The following SPATA21 variants were observed in gnomAD, a reference collection of about 807,000 sequenced individuals.
SPATA21 encodes spermatogenesis associated 21, also known as spermatogenesis-associated protein 21.
In SPATA21, 47 loss-of-function variants were observed where a neutral mutation model predicts 54.8. That is an observed-to-expected ratio of 0.86 (90% confidence interval 0.68 to 1.09). The LOEUF is 1.09. SPATA21 is among the 50% of genes least tolerant of loss of function. SPATA21 has a pLI of 0.00. For missense variants in SPATA21, 599 were observed against 596.4 expected, an observed-to-expected ratio of 1.00 and a Z score of -0.05; for synonymous variants, 245 against 235.3, an observed-to-expected ratio of 1.04 and a Z score of -0.38.
At chr1:16,425,704 C>T in intron 3 of SPATA21, 1 of 1,549,822 alleles carries the variant, frequency 6.5e-7, no homozygotes, top group South Asian at 1.2e-5. Context: ...GGGACCCTTC[C>T]TGGGGGACCC....
intron 1 of SPATA21, among the ~76,000 whole-genome samples, chr1:16,436,501 C>T (rs1382221243): frequency 6.6e-6 from 1 of 152,042 alleles, no homozygotes; most frequent in Admixed American, 6.6e-5. Context: ...CAAGGTGGCT[C>T]ACGCCTGTAA....
rs111631569 is a variant in SPATA21, at chr1:16,421,078, T to C, written c.144+431A>G. Among the ~76,000 whole-genome samples, 7 of 151,896 alleles carry C rather than the reference T, an allele frequency of 4.6e-5. No homozygotes were observed. The highest frequency in any genetic ancestry group is 1.0e-4 in the Non-Finnish European group (7 of 67,960). ...AGTGACTGTGTATTTGCAGGTTGCC[T>C]GGTCAGGTCAAAGAACTAGGAAGTG... On this transcript the variant is annotated intron_variant, in intron 5 of 12. Coordinates refer to ENST00000335496, the MANE Select transcript of SPATA21 (RefSeq NM_198546.1). This position sits in a 1 kb window ranked among gnomAD's most constrained non-coding sequence, Gnocchi z 5.2.
chr1:16,415,117 G>T (rs1266770833), intron 5 of SPATA21, among the ~76,000 whole-genome samples: 1 of 152,070 alleles, frequency 6.6e-6, no homozygotes, highest in Admixed American at 6.6e-5. Context: ...CAGGTGGATC[G>T]CTTGAGCTCA....
At position 16,398,713 on chromosome 1, in the gene SPATA21, C is replaced by T; in HGVS notation, c.*52G>A. 1 of 1,601,330 alleles carries T rather than the reference C, an allele frequency of 6.2e-7. No individual in the cohort carries two copies. The highest frequency in any genetic ancestry group is 8.6e-7 in the Non-Finnish European group (1 of 1,168,714). Reference sequence around the variant, plus strand: ...CCCAGCAGCAGCTCCTGCCTGGTGGCCCATCTGTCTACAGGCCTTGAGCAG... The same window carrying T: ...CCCAGCAGCAGCTCCTGCCTGGTGGTCCATCTGTCTACAGGCCTTGAGCAG... On this transcript the variant is annotated 3_prime_UTR_variant, in exon 13 of 13. Coordinates refer to ENST00000335496, the MANE Select transcript of SPATA21 (RefSeq NM_198546.1).
rs111559424 is a variant in SPATA21, at chr1:16,428,214, G to A, written c.34+3124C>T. On this transcript the variant is annotated intron_variant, in intron 3 of 12. Coordinates refer to ENST00000335496, the MANE Select transcript of SPATA21 (RefSeq NM_198546.1). The surrounding 1 kb of genome is among the most constrained non-coding windows in gnomAD (Gnocchi z 4.3). Reference sequence around the variant, plus strand: ...AGGGCCCGGCCCTGCTGTTGCTGTTGCTTAGCACGTAAGGCTCTGGTATGA... The same window carrying A: ...AGGGCCCGGCCCTGCTGTTGCTGTTACTTAGCACGTAAGGCTCTGGTATGA... Among the ~76,000 whole-genome samples, 249 of 152,284 alleles carry A rather than the reference G, an allele frequency of 1.6e-3. 1 individual carries two copies. The highest frequency in any genetic ancestry group is 5.5e-3 in the African/African-American group (230 of 41,574).
intron 10 of SPATA21, among the ~76,000 whole-genome samples, chr1:16,402,539 G>A (rs1463390558): frequency 2.6e-5 from 4 of 151,588 alleles, no homozygotes; most frequent in Non-Finnish European, 4.4e-5. Context: ...GGGATTACAG[G>A]CATGAGCCAC....
rs561458197 is a variant in SPATA21 at position 16,400,835 on chromosome 1, G to C, written c.1059C>G (p.Ala353=). ...GCTTCTGCAACCGCAGCCGGCCTAC[G>C]GCCGCTTCCATCTCCTGGGCCTTGC... ...GTCKAQEMEA[A]VGRLRLQKLP... is the part of the protein sequence containing the mutation. Residue 353 remains alanine, a synonymous_variant, in exon 11 of 13, where the codon GCC becomes GCG. Coordinates refer to ENST00000335496, the MANE Select transcript of SPATA21 (RefSeq NM_198546.1). The C allele has an allele frequency of 6.2e-7, 1 of 1,614,192 alleles. No homozygotes were observed. The highest frequency in any genetic ancestry group is 1.7e-5 in the Admixed American group (1 of 60,024).
chr1:16,410,801 C>A, intron 5 of SPATA21: 1 of 395,674 alleles, frequency 2.5e-6, no homozygotes, highest in South Asian at 1.8e-5. Context: ...CCGCCTTGGC[C>A]TCCCAAAGTG....
chr1:16,431,142 CA>C (rs2086446968), intron 3 of SPATA21, 195 bp downstream of exon 3: 4 of 1,338,580 alleles, frequency 3.0e-6, no homozygotes, highest in Non-Finnish European at 4.0e-6. Flanking sequence ...CCATTTTTAA[CA>C]GAGTCTTAAT....
rs868342488 is a variant in SPATA21, at chr1:16,421,468, C to T, written c.144+41G>A. On this transcript the variant is annotated intron_variant, in intron 5 of 12. Coordinates refer to ENST00000335496, the MANE Select transcript of SPATA21 (RefSeq NM_198546.1). The surrounding 1 kb of genome is among the most constrained non-coding windows in gnomAD (Gnocchi z 5.2). ...TCCTCCTGATCCCCCCTGCCTTTCT[C>T]CTACACAGCTCGTCCCCGTTCCCCC... is the stretch of plus-strand genomic sequence containing the variant. 6 of 1,588,548 alleles carry T rather than the reference C, an allele frequency of 3.8e-6. No individual in the cohort carries two copies. The highest frequency in any genetic ancestry group is 5.1e-6 in the Non-Finnish European group (6 of 1,167,556).
intron 10 of SPATA21, among the ~76,000 whole-genome samples, chr1:16,403,376 T>C (rs1460228541): frequency 6.6e-6 from 1 of 152,196 alleles, no homozygotes; most frequent in Non-Finnish European, 1.5e-5. Flanking sequence ...GAGAAAGCCT[T>C]ACTGGTATCA....
At chr1:16,427,979 T>C in intron 3 of SPATA21, 1 of 1,550,060 alleles carries the variant, frequency 6.5e-7, no homozygotes, top group Non-Finnish European at 8.7e-7. Flanking sequence ...GAGAGGTGCT[T>C]CTTGCTGCCC....
At chr1:16,411,617 C>T (rs891602715) in intron 5 of SPATA21, among the ~76,000 whole-genome samples, 8 of 151,920 alleles carry the variant, frequency 5.3e-5, no homozygotes, top group Non-Finnish European at 1.0e-4. Context: ...AGTGAAACCC[C>T]GTCTCTACTA....
intron 5 of SPATA21, among the ~76,000 whole-genome samples, chr1:16,416,107 G>A (rs1570157241): frequency 2.0e-5 from 3 of 152,196 alleles, no homozygotes; most frequent in African/African-American, 7.2e-5. Flanking sequence ...GCCTGCAGGG[G>A]CTCCCTGTGA....
At chr1:16,403,340 T>C (rs985941081) in intron 10 of SPATA21, among the ~76,000 whole-genome samples, 5 of 152,126 alleles carry the variant, frequency 3.3e-5, no homozygotes, top group African/African-American at 1.2e-4. Flanking sequence ...TCAAAGCCAG[T>C]GCGCACAGAC....
chr1:16,429,322 G>C lies in SPATA21; in HGVS notation c.34+2016C>G, dbSNP rs2086399269. On this transcript the variant is annotated intron_variant, in intron 3 of 12. Transcript: ENST00000335496. The stretch of plus-strand genomic sequence containing the variant: ...CTGGCTTTGTTTTTTTTTTGAGACG[G>C]GGTCTCACGATGTTGCCCAGGCTGG... 2.6e-5 allele frequency among the ~76,000 whole-genome samples: 4 copies of C among 151,220 alleles called. No individual in the cohort carries two copies. In the South Asian group the frequency reaches 8.4e-4, roughly 32 times the overall value.
Position 16,415,741 on chromosome 1 carries a change from G to A in SPATA21, c.145-5698C>T, listed in dbSNP as rs529683826. 1.8e-3 allele frequency among the ~76,000 whole-genome samples: 278 copies of A among 152,052 alleles called. 2 individuals carry two copies. Among genetic ancestry groups the A allele is most frequent in the South Asian group, 0.014 (65 of 4,804 alleles). On this transcript the variant is annotated intron_variant, in intron 5 of 12. Coordinates refer to ENST00000335496, the MANE Select transcript of SPATA21 (RefSeq NM_198546.1). ...TGCCTGGCTAATTTTTGTATTTTTA[G>A]TAGAGACGGGGTTTCACCATGTTAG...
downstream of SPATA21, chr1:16,396,092 C>T (rs1223069497): frequency 2.0e-5 from 3 of 152,668 alleles, no homozygotes; most frequent in African/African-American, 7.2e-5. Context: ...GAGATTGCAT[C>T]CCTGGGCTTA....
At chr1:16,418,236 A>T (rs2086070244) in intron 5 of SPATA21, among the ~76,000 whole-genome samples, 1 of 152,190 alleles carries the variant, frequency 6.6e-6, no homozygotes, top group African/African-American at 2.4e-5. Flanking sequence ...AGAAACACAC[A>T]GGCAAGGAAT....
Sources: gnomAD v4.1 joint callset for allele counts (sites outside exome capture counted in the v4.1 genomes callset) on GRCh38, gnomAD v4.1.1 for gene constraint, Gnocchi (gnomAD v3.1) non-coding constraint, MANE v1.5 for transcripts, NCBI Gene and HGNC (gene_info 2026-07-23, HGNC 2026-07-21) for gene names.